Variants in NOBOX observed in about 807,000 individuals in gnomAD.
NOBOX encodes homeobox protein NOBOX.
Under a neutral mutation model 60.2 loss-of-function variants are expected in NOBOX, and 46 were observed. That is an observed-to-expected ratio of 0.76 (90% CI 0.60 to 0.98). The LOEUF is 0.98. Ranked by LOEUF, NOBOX falls within the 50% of genes least tolerant of loss-of-function variation. The probability of loss-of-function intolerance (pLI) is 0.00; values close to 1 mark genes in which losing one functional copy is unlikely to be tolerated. For missense variants in NOBOX, 880 were observed against 865.5 expected (o/e 1.02, Z -0.21); for synonymous variants, 360 against 346.3 (o/e 1.04, Z -0.44).
chr7:144,409,771 AC>A (rs1177644149), intron 1 of NOBOX, among the ~76,000 whole-genome samples: 1 of 152,164 alleles, frequency 6.6e-6, no homozygotes, highest in Non-Finnish European at 1.5e-5. Flanking sequence ...ATAGTCCCAA[AC>A]CCATGAGAAG....
At chr7:144,403,693 T>G in intron 2 of NOBOX, 1 of 689,902 alleles carries the variant, frequency 1.4e-6, no homozygotes, top group Admixed American at 2.0e-5. Context: ...GTGGGTTCCA[T>G]GGCCTGGACT....
At chr7:144,410,056 G>T in intron 1 of NOBOX, 1 of 817,324 alleles carries the variant, frequency 1.2e-6, no homozygotes, top group Non-Finnish European at 2.0e-6. Flanking sequence ...TCTACCAAGA[G>T]TCCTCAGTGT....
chr7:144,399,349 A>G (rs1261151502), intron 7 of NOBOX, 48 bp downstream of exon 5: 19 of 1,365,058 alleles, frequency 1.4e-5, no homozygotes, highest in Non-Finnish European at 1.9e-5. Context: ...GCCTGTCTTC[A>G]CTATCTTTAG....
chr7:144,407,910 A>G (rs1391662602), intron 1 of NOBOX, among the ~76,000 whole-genome samples: 1 of 152,244 alleles, frequency 6.6e-6, no homozygotes, highest in Non-Finnish European at 1.5e-5. Context: ...ATTAATCGCC[A>G]CTGCTGGTGT....
chr7:144,400,024 C>A (rs1401247938), intron 5 of NOBOX, 161 bp from the exon 4 acceptor site: 7 of 1,389,518 alleles, frequency 5.0e-6, no homozygotes, highest in African/African-American at 1.4e-5. Flanking sequence ...CTCTGCAGTG[C>A]CTTCCTCTCC....
In NOBOX at chr7:144,401,437, G is replaced by A. The variant is rs780060226; in HGVS notation, c.453C>T (p.Thr151=). 122 of 1,605,788 alleles carry A rather than the reference G, an allele frequency of 7.6e-5. No individual in the cohort carries two copies. The highest frequency in any genetic ancestry group is 6.6e-4 in the Middle Eastern group (4 of 6,024). ...GGCACAGTCTCCCAGCATCAGCCCC[G>A]GTGGCTTCTCCAGAGACTGCTGGCG... Residue 151 remains threonine (T), a synonymous_variant, in exon 4 of 10, where the codon ACC becomes ACT. Coordinates refer to ENST00000467773, the MANE Select transcript of NOBOX (RefSeq NM_001080413.3). The surrounding 1 kb of genome is among the most constrained non-coding windows in gnomAD (Gnocchi z 4.2).
chr7:144,403,081 G>A (rs1455659378), intron 2 of NOBOX, among the ~76,000 whole-genome samples: 2 of 152,126 alleles, frequency 1.3e-5, no homozygotes, highest in Non-Finnish European at 2.9e-5. Flanking sequence ...GTAACAGAGT[G>A]TCAAGGAAAA....
Position 144,403,705 on chromosome 7 carries a change from C to T in NOBOX, c.210+851G>A, listed in dbSNP as rs1230312904. ...TCTGTGGGTTCCATGGCCTGGACTC[C>T]CGCCGCCGCGGCCGGCCCGTGATGC... On this transcript the variant is annotated intron_variant, in intron 2 of 9. Transcript: ENST00000467773. 1.4e-6 allele frequency: 1 copy of T among 700,868 alleles called. No homozygotes were observed. Among genetic ancestry groups the T allele is most frequent in the South Asian group, 1.5e-5 (1 of 67,564 alleles). 43.4% of individuals were successfully genotyped at this position (700,868 alleles called of 1,614,324 possible). A position where few individuals can be genotyped will look rare whatever the true frequency, so the allele number is the denominator to read the frequency against.
intron 1 of NOBOX, among the ~76,000 whole-genome samples, chr7:144,406,039 T>C (rs1208171): frequency 0.13 from 19,629 of 152,228 alleles, 1,575 homozygotes; most frequent in South Asian, 0.23. Context: ...GCAATTAATT[T>C]CTTAACAGAT....
intron 2 of NOBOX, among the ~76,000 whole-genome samples, chr7:144,402,841 T>C (rs931421987): frequency 2.1e-5 from 3 of 144,552 alleles, no homozygotes; most frequent in African/African-American, 7.8e-5. Context: ...ACTGCAACCT[T>C]GGCCCCCTGG....
chr7:144,405,667 G>A (rs1422263276), intron 1 of NOBOX, among the ~76,000 whole-genome samples: 4 of 152,164 alleles, frequency 2.6e-5, no homozygotes, highest in Non-Finnish European at 5.9e-5. Flanking sequence ...CCCCTGTGTT[G>A]CCCACCTGGG....
chr7:144,401,114 T>C lies in NOBOX; in HGVS notation c.776A>G (p.Asp259Gly). ...CACTTCCGGGGGCCCCTGCTTGTGG[T>C]CTCTGTTTTGGTTGCTCTGCGCCAA... Residue 259 changes from aspartate to glycine, a missense_variant, in exon 4 of 10, where the codon GAC becomes GGC. Transcript: ENST00000467773. The surrounding 1 kb of genome is among the most constrained non-coding windows in gnomAD (Gnocchi z 4.2). 6.4e-7 allele frequency: 1 copy of C among 1,560,888 alleles called. No individual in the cohort carries two copies. Among genetic ancestry groups the C allele is most frequent in the Non-Finnish European group, 8.7e-7 (1 of 1,155,226 alleles).
At position 144,401,401 on chromosome 7, in the gene NOBOX, G is replaced by A. The variant is rs1471538891; in HGVS notation, c.489C>T (p.Arg163=). ...TTCTGTCTTTGTGGGGAGCCCTGGA[G>A]CGGGGGGGCGGGCACAGTCTCCCAG... The change falls in exon 4 of 10, where the codon CGC becomes CGT. Residue 163 remains arginine, a synonymous_variant. Coordinates refer to ENST00000467773, the MANE Select transcript of NOBOX (RefSeq NM_001080413.3). The surrounding 1 kb of genome is among the most constrained non-coding windows in gnomAD (Gnocchi z 4.2). The A allele has an allele frequency of 6.2e-7, 1 of 1,613,008 alleles. No individual in the cohort carries two copies.
chr7:144,399,087 G>T lies in NOBOX; in HGVS notation c.1332C>A (p.Ser444Arg). Residue 444 changes from serine (S) to arginine (R), a missense_variant, in exon 8 of 10, where the codon AGC becomes AGA. Ser to Arg is a moderately radical substitution (Grantham distance 110). Coordinates refer to ENST00000467773, the MANE Select transcript of NOBOX (RefSeq NM_001080413.3). ...GATCGGCCCTTCGCACAGGTGGGGG[G>T]CTGAAGAGTGGGGGGGTCACCACCC... 1 of 1,043,542 alleles carries T rather than the reference G, an allele frequency of 9.6e-7. No homozygotes were observed. The highest frequency in any genetic ancestry group is 1.5e-6 in the Non-Finnish European group (1 of 665,488). 64.6% of individuals were successfully genotyped at this position (1,043,542 alleles called of 1,614,324 possible). A position where few individuals can be genotyped will look rare whatever the true frequency, so the allele number is the denominator to read the frequency against.
Position 144,404,692 on chromosome 7 carries a change from G to T in NOBOX, c.86-12C>A, listed in dbSNP as rs376059103. ...AGCCAGGGGCGGCCCTGCCAGGGAC[G>T]GTGTGGTTACTGTGTTTCCATCCAT... On this transcript the variant is annotated splice_polypyrimidine_tract_variant and intron_variant, in intron 1 of 9. Coordinates refer to ENST00000467773, the MANE Select transcript of NOBOX (RefSeq NM_001080413.3). 6.2e-7 allele frequency: 1 copy of T among 1,613,010 alleles called. No homozygotes were observed. The highest frequency in any genetic ancestry group is 1.1e-5 in the South Asian group (1 of 90,844).
Position 144,397,254 on chromosome 7 carries a change from TATTCTTGTCA to T in NOBOX, c.2052_2061del (p.Asp684GlufsTer?). On this transcript the variant is annotated frameshift_variant, in exon 10 of 10. Coordinates refer to ENST00000467773, the MANE Select transcript of NOBOX (RefSeq NM_001080413.3). LOFTEE classifies it high-confidence loss of function. ...TGACCCCCCAACTAGGGGACATGGC[TATTCTTGTCA>T]TCCCCTCTGGCCTCCTCCAGTGCTG... 1 of 1,532,502 alleles carries T rather than the reference TATTCTTGTCA, an allele frequency of 6.5e-7. No homozygotes were observed. The highest frequency in any genetic ancestry group is 8.7e-7 in the Non-Finnish European group (1 of 1,143,160). 94.9% of individuals were successfully genotyped at this position (1,532,502 alleles called of 1,614,324 possible).
rs2128861786 is a variant in NOBOX at position 144,401,464 on chromosome 7, C to G, written c.426G>C (p.Lys142Asn). Reference sequence around the variant, plus strand: ...TGGCTTCTCCAGAGACTGCTGGCGGCTTCTTCTCTCCTGAGATGGTGCAGG... The same window carrying G: ...TGGCTTCTCCAGAGACTGCTGGCGGGTTCTTCTCTCCTGAGATGGTGCAGG... The change falls in exon 4 of 10, where the codon AAG (lysine) becomes AAC (asparagine). Residue 142 changes from lysine (K) to asparagine (N), a missense_variant. Transcript: ENST00000467773. The surrounding 1 kb of genome is among the most constrained non-coding windows in gnomAD (Gnocchi z 4.2). The G allele has an allele frequency of 6.3e-7, 1 of 1,582,768 alleles. No individual in the cohort carries two copies. Among genetic ancestry groups the G allele is most frequent in the East Asian group, 2.2e-5 (1 of 44,682 alleles).
rs928531296 is a variant in NOBOX, at chr7:144,397,631, C to G, written c.1775-90G>C. 7 of 1,151,184 alleles carry G rather than the reference C, an allele frequency of 6.1e-6. No homozygotes were observed. The African/African-American group carries it at 1.1e-4, about 18-fold the overall frequency. The allele number at this position is 1,151,184 out of a possible 1,614,324, so 71.3% of individuals were successfully genotyped here. ...GTTCTACAACAGATCCCCCCGTGCC[C>G]CAACACACATAGACGCAGCTTAGGA... On this transcript the variant is annotated intron_variant, in intron 9 of 9. Transcript: ENST00000467773.
chr7:144,400,549 T>C (rs1043221699), intron 4 of NOBOX, among the ~76,000 whole-genome samples: 1 of 152,242 alleles, frequency 6.6e-6, no homozygotes, highest in Non-Finnish European at 1.5e-5. Context: ...TTTCTTTTTT[T>C]CTTTTTTAGA....
Sources: allele counts gnomAD v4.1 joint callset (sites outside exome capture counted in the v4.1 genomes callset), GRCh38; gene constraint gnomAD v4.1.1; non-coding constraint Gnocchi (gnomAD v3.1); transcripts MANE v1.5; gene names NCBI Gene and HGNC (gene_info 2026-07-23, HGNC 2026-07-21).